The following NCKAP1 variants were observed in gnomAD, a reference collection of about 807,000 sequenced individuals.
NCKAP1 encodes the protein nck-associated protein 1.
In NCKAP1, 21 loss-of-function variants were observed where a neutral mutation model predicts 151.2. That is an observed-to-expected ratio of 0.14 (90% CI 0.10 to 0.20). NCKAP1 has a LOEUF of 0.20. NCKAP1 is among the 10% of genes least tolerant of loss of function. The pLI is 1.00. For synonymous variants in NCKAP1, 484 were observed against 451.8 expected (o/e 1.07, Z -0.90); for missense variants, 933 against 1,352.1 (o/e 0.69, Z 4.86).
chr2:182,981,753 A>C (rs1697943652), intron 12 of NCKAP1, among the ~76,000 whole-genome samples: 1 of 151,754 alleles, frequency 6.6e-6, no homozygotes, highest in African/African-American at 2.4e-5. Context: ...TACTAAAAAT[A>C]CAAAAGTTAG....
intron 17 of NCKAP1, 22 bp downstream of exon 17, chr2:182,964,654 C>T: frequency 6.5e-7 from 1 of 1,539,486 alleles, no homozygotes. Context: ...CCATATAACT[C>T]ACAGTAGTAC....
rs894254969 is a variant in NCKAP1 at position 182,913,598 on chromosome 2, T to C, written c.*12104A>G. ...CCTTGACCTTGTACTTCCCAGCATC[T>C]AAAATGGTAAGCAATAAATTTCTTT... On this transcript the variant is annotated 3_prime_UTR_variant, in exon 31 of 31. Coordinates refer to ENST00000361354, the MANE Select transcript of NCKAP1 (RefSeq NM_013436.5). 2 of 152,330 alleles carry C rather than the reference T, an allele frequency of 1.3e-5. No individual in the cohort carries two copies. The highest frequency in any genetic ancestry group is 2.4e-5 in the African/African-American group (1 of 41,554). 9.4% of individuals were successfully genotyped at this position (152,330 alleles called of 1,614,324 possible). A position where few individuals can be genotyped will look rare whatever the true frequency, so the allele number is the denominator to read the frequency against.
chr2:183,017,088 A>T (rs1559107828), intron 2 of NCKAP1, among the ~76,000 whole-genome samples: 1 of 152,122 alleles, frequency 6.6e-6, no homozygotes, highest in African/African-American at 2.4e-5. Context: ...ATTGGATAAA[A>T]AGTTTTCTGT....
intron 23 of NCKAP1, among the ~76,000 whole-genome samples, chr2:182,943,115 T>G (rs1249140507): frequency 6.6e-6 from 1 of 152,170 alleles, no homozygotes; most frequent in Non-Finnish European, 1.5e-5. Context: ...TTCTCTATAA[T>G]GGTTCTCAGC....
At chr2:182,978,802 G>A (rs1276434557) in intron 14 of NCKAP1, 32 bp downstream of exon 14, 9 of 1,294,220 alleles carry the variant, frequency 7.0e-6, no homozygotes, top group Non-Finnish European at 9.6e-6. Flanking sequence ...CTAATTAGAA[G>A]AAAATATGCT....
intron 6 of NCKAP1, among the ~76,000 whole-genome samples, chr2:182,996,306 T>C (rs1698267021): frequency 6.6e-6 from 1 of 152,208 alleles, no homozygotes; most frequent in African/African-American, 2.4e-5. Context: ...CTGTACCTCA[T>C]CTTAATAAAT....
At chr2:182,978,751 T>G (rs2105850244) in intron 14 of NCKAP1, 83 bp downstream of exon 14, 1 of 774,866 alleles carries the variant, frequency 1.3e-6, no homozygotes, top group East Asian at 3.1e-5. Flanking sequence ...ATTAGCCAAA[T>G]TAATTGGTAA....
intron 29 of NCKAP1, 39 bp downstream of exon 29, chr2:182,928,078 T>TA (rs1696684588): frequency 7.0e-7 from 1 of 1,420,088 alleles, no homozygotes. Flanking sequence ...TAGTTTTCTT[T>TA]ATAAAATGTG....
At chr2:182,926,375 G>A (rs79077605) in intron 30 of NCKAP1, among the ~76,000 whole-genome samples, 2,914 of 152,100 alleles carry the variant, frequency 0.019, 104 homozygotes, top group African/African-American at 0.065. Flanking sequence ...TCTAAGTGGG[G>A]AAAGAGCCAC....
chr2:182,940,335 C>T (rs1696970053), intron 24 of NCKAP1, among the ~76,000 whole-genome samples: 1 of 152,010 alleles, frequency 6.6e-6, no homozygotes, highest in Admixed American at 6.6e-5. Flanking sequence ...AACTAATTTC[C>T]TACTTATTCA....
At chr2:182,982,116 A>G (rs1490189549) in intron 12 of NCKAP1, among the ~76,000 whole-genome samples, 4 of 152,054 alleles carry the variant, frequency 2.6e-5, no homozygotes, top group African/African-American at 7.2e-5. Flanking sequence ...TTGCAACTCT[A>G]AAAACAGGAT....
chr2:182,946,945 T>C (rs1697120732), intron 23 of NCKAP1: 1 of 152,152 alleles, frequency 6.6e-6, no homozygotes. Context: ...TTGAAGGCAA[T>C]GGCACAGAAA....
In NCKAP1 at chr2:182,970,922, C is replaced by G. The variant is rs554983014; in HGVS notation, c.1483-3561G>C. 3.3e-5 allele frequency among the ~76,000 whole-genome samples: 5 copies of G among 151,936 alleles called. No homozygotes were observed. In the East Asian group the frequency reaches 9.7e-4, roughly 29 times the overall value. The stretch of plus-strand genomic sequence containing the variant: ...AGTTTCATGACATAAACTCAACATA[C>G]AAAAATCAGAGGCATTTCCATGTGT... On this transcript the variant is annotated intron_variant, in intron 15 of 30. Transcript: ENST00000361354.
chr2:182,995,896 T>C (rs878865114), intron 6 of NCKAP1, 58 bp from the exon 7 acceptor site: 68 of 1,418,598 alleles, frequency 4.8e-5, no homozygotes, highest in Admixed American at 7.1e-5. Context: ...TCTGTTTACA[T>C]TGCAGCTATA....
intron 25 of NCKAP1, 89 bp downstream of exon 25, chr2:182,935,203 TA>T: frequency 1.1e-6 from 1 of 884,700 alleles, no homozygotes; most frequent in Non-Finnish European, 1.7e-6. Context: ...ATATCATTGC[TA>T]AGCATGAATC....
At chr2:183,002,951 A>C (rs769667981) in intron 4 of NCKAP1, 23 bp downstream of exon 4, 1 of 1,584,906 alleles carries the variant, frequency 6.3e-7, no homozygotes, top group South Asian at 1.1e-5. Context: ...ATAATTGGAC[A>C]TTTTTCTGAA....
intron 15 of NCKAP1, among the ~76,000 whole-genome samples, chr2:182,974,209 G>C (rs987579705): frequency 7.2e-6 from 1 of 137,978 alleles, no homozygotes; most frequent in African/African-American, 2.7e-5. Context: ...CTCTGGCTTA[G>C]TGTTATGTCC....
At chr2:183,013,062 T>C (rs1434143620) in intron 2 of NCKAP1, among the ~76,000 whole-genome samples, 1 of 152,154 alleles carries the variant, frequency 6.6e-6, no homozygotes, top group African/African-American at 2.4e-5. Flanking sequence ...GATCTCAACC[T>C]GATTTCATGA....
In NCKAP1 at chr2:182,981,374, T is replaced by C; in HGVS notation, c.1211A>G (p.His404Arg). The C allele has an allele frequency of 6.2e-7, 1 of 1,605,974 alleles. No individual in the cohort carries two copies. The highest frequency in any genetic ancestry group is 8.5e-7 in the Non-Finnish European group (1 of 1,175,012). Reference protein sequence around the residue: ...KKSADDFIDKHIAELIFYMEE... With the variant: ...KKSADDFIDKRIAELIFYMEE... ...CATGTAAAATATTAATTCAGCAATG[T>C]GCCTTTTTTAAAATTTCAAGAAAAA... Residue 404 changes from histidine (H) to arginine (R), a missense_variant and splice_region_variant, in exon 13 of 31, where the codon CAC (histidine) becomes CGC (arginine). By Grantham distance (29) the His-to-Arg change is conservative (BLOSUM62 0). Around this residue, in one of 2 missense-constraint regions of NCKAP1, gnomAD observed 607 missense variants for 795.0 expected, o/e 0.76. Coordinates refer to ENST00000361354, the MANE Select transcript of NCKAP1 (RefSeq NM_013436.5).
Sources: gnomAD v4.1 joint callset for allele counts (sites outside exome capture counted in the v4.1 genomes callset) on GRCh38, gnomAD v4.1.1 for gene constraint, gnomAD v4.1.1 regional missense constraint, MANE v1.5 for transcripts, NCBI Gene and HGNC (gene_info 2026-07-23, HGNC 2026-07-21) for gene names.